The following LRRC63 variants were observed in gnomAD, a reference collection of about 807,000 sequenced individuals.
LRRC63 encodes the protein leucine-rich repeat-containing protein 63.
In LRRC63, 40 loss-of-function variants were observed where a neutral mutation model predicts 49.5. The ratio of observed to expected loss-of-function variants is 0.81; its 90% CI spans 0.63 to 1.05. The LOEUF (loss-of-function observed/expected upper bound fraction) is 1.05. LRRC63 is among the 50% of genes least tolerant of loss of function. LRRC63 has a pLI of 0.00. For synonymous variants in LRRC63, 191 were observed against 221.1 expected, an observed-to-expected ratio of 0.86 and a Z score of 1.21; for missense variants, 636 against 663.1, an observed-to-expected ratio of 0.96 and a Z score of 0.45.
In LRRC63 at chr13:46,227,637, CA is replaced by C; in HGVS notation, c.215del (p.Asn72IlefsTer12). On this transcript the variant is annotated frameshift_variant, in exon 3 of 10. Coordinates refer to ENST00000595396, the Ensembl canonical transcript of LRRC63. LOFTEE classifies it high-confidence loss of function. ...TCAATCACTAACACCTATCAATATC[CA>C]AAATATCTTTCTTGATCACTGTGTA... 2 of 1,550,080 alleles carry C rather than the reference CA, an allele frequency of 1.3e-6. No individual in the cohort carries two copies. Among genetic ancestry groups the C allele is most frequent in the Non-Finnish European group, 8.7e-7 (1 of 1,146,802 alleles).
At chr13:46,220,870 C>T (rs2046387688) in intron 2 of LRRC63, among the ~76,000 whole-genome samples, 3 of 152,086 alleles carry the variant, frequency 2.0e-5, no homozygotes, top group Admixed American at 2.0e-4. Context: ...TGGGAGCTCC[C>T]GGACCCCTTA....
At chr13:46,261,752 A>T (rs1000406688) in intron 7 of LRRC63, among the ~76,000 whole-genome samples, 157 bp from the exon 8 acceptor site, 3 of 152,216 alleles carry the variant, frequency 2.0e-5, no homozygotes, top group Non-Finnish European at 4.4e-5. Flanking sequence ...AGGAATTTTC[A>T]TAGTAATTAC....
chr13:46,251,254 T>C lies in LRRC63; in HGVS notation c.1226+763T>C, dbSNP rs541587703. ...GATGTTCATTCAGTATTGTTTGTAATTAATGATCTAAAAAATTGTACATTC... is the reference window on the plus strand; with the variant it reads ...GATGTTCATTCAGTATTGTTTGTAACTAATGATCTAAAAAATTGTACATTC... On this transcript the variant is annotated intron_variant, in intron 7 of 9. Transcript: ENST00000595396. Among the ~76,000 whole-genome samples, 91 of 152,020 alleles carry C rather than the reference T, an allele frequency of 6.0e-4. 1 individual carries two copies. In the Middle Eastern group the frequency reaches 0.024, roughly 40 times the overall value.
At chr13:46,212,974 A>T (rs2046136388) in intron 1 of LRRC63, 28 bp from the exon 2 acceptor site, 2 of 1,140,554 alleles carry the variant, frequency 1.8e-6, no homozygotes, top group African/African-American at 1.6e-5. Flanking sequence ...ACATATTCAA[A>T]ACCTTTTCAA....
intron 9 of LRRC63, chr13:46,270,753 A>G: frequency 4.0e-6 from 2 of 495,256 alleles, no homozygotes; most frequent in Non-Finnish European, 7.4e-6. Flanking sequence ...CTGGTGCTTC[A>G]CTTACCTTCG....
chr13:46,227,960 TCAACC>T lies in LRRC63; in HGVS notation c.535_539del (p.Gln179PhefsTer38). On this transcript the variant is annotated frameshift_variant, in exon 3 of 10. Transcript: ENST00000595396. LOFTEE classifies it high-confidence loss of function. The stretch of plus-strand genomic sequence containing the variant: ...AACTTGAGAAAATGCACCCTAAGCA[TCAACC>T]TTTACCAGAGAGTCCAGGCTATACT... 1 of 1,550,796 alleles carries T rather than the reference TCAACC, an allele frequency of 6.4e-7. No homozygotes were observed. The highest frequency in any genetic ancestry group is 8.7e-7 in the Non-Finnish European group (1 of 1,147,030).
At chr13:46,269,619 G>A (rs1332807960) in intron 9 of LRRC63, among the ~76,000 whole-genome samples, 1 of 151,798 alleles carries the variant, frequency 6.6e-6, no homozygotes, top group Non-Finnish European at 1.5e-5. Context: ...ATGACTTCAT[G>A]GTAGGCAGAC....
intron 6 of LRRC63, among the ~76,000 whole-genome samples, chr13:46,248,411 A>T (rs1291813187): frequency 6.6e-6 from 1 of 151,988 alleles, no homozygotes. Flanking sequence ...GATTAAAAGA[A>T]ACACACTTAA....
In LRRC63 at chr13:46,231,240, T is replaced by C. The variant is rs145867445; in HGVS notation, c.832+2507T>C. On this transcript the variant is annotated intron_variant, in intron 4 of 9. Transcript: ENST00000595396. ...ACATTTTCATGTATCTTTATAGCAA[T>C]GCCCTTCTCCTCAGTACCAATTTTA... 1.2e-4 allele frequency among the ~76,000 whole-genome samples: 19 copies of C among 152,286 alleles called. No individual in the cohort carries two copies. The East Asian group carries it at 3.7e-3, about 29-fold the overall frequency.
chr13:46,232,699 C>T (rs1446483557), intron 4 of LRRC63, among the ~76,000 whole-genome samples: 1 of 151,996 alleles, frequency 6.6e-6, no homozygotes, highest in Non-Finnish European at 1.5e-5. Flanking sequence ...AATAGTTCAT[C>T]CTCGAAGTCC....
intron 2 of LRRC63, among the ~76,000 whole-genome samples, chr13:46,222,582 G>A (rs953767830): frequency 4.6e-5 from 7 of 152,124 alleles, no homozygotes; most frequent in Non-Finnish European, 2.9e-5. Context: ...AGAGGATGTG[G>A]AGAAATAAGA....
At chr13:46,227,608 G>A (rs947698477) in exon 3 of LRRC63, 2 of 1,549,634 alleles carry the variant, frequency 1.3e-6, no homozygotes, top group African/African-American at 2.7e-5. Context: ...GATGTTTTAA[G>A]AAATCAATCA....
At chr13:46,233,381 C>T (rs1566483451) in intron 4 of LRRC63, among the ~76,000 whole-genome samples, 1 of 152,136 alleles carries the variant, frequency 6.6e-6, no homozygotes, top group Non-Finnish European at 1.5e-5. Flanking sequence ...ATCTCTTGAT[C>T]TGAAATGGGC....
chr13:46,230,453 G>A (rs972871756), intron 4 of LRRC63, among the ~76,000 whole-genome samples: 12 of 152,194 alleles, frequency 7.9e-5, no homozygotes, highest in African/African-American at 2.9e-4. Flanking sequence ...TAGTGACTCA[G>A]TTTGAATCCC....
intron 9 of LRRC63, among the ~76,000 whole-genome samples, chr13:46,274,841 C>T (rs943696265): frequency 2.6e-5 from 4 of 152,052 alleles, no homozygotes; most frequent in African/African-American, 9.7e-5. Flanking sequence ...TTTATCATTT[C>T]TTTGTGTTGT....
intron 9 of LRRC63, among the ~76,000 whole-genome samples, chr13:46,274,126 C>T (rs1356374281): frequency 6.6e-6 from 1 of 151,898 alleles, no homozygotes; most frequent in Non-Finnish European, 1.5e-5. Context: ...CACTCATGTC[C>T]ATAACAGGTA....
intron 3 of LRRC63, 21 bp from the exon 4 acceptor site, chr13:46,228,644 A>T: frequency 2.8e-6 from 4 of 1,441,428 alleles, no homozygotes; most frequent in Non-Finnish European, 3.8e-6. Context: ...AAGTCATCCC[A>T]TTTGTTTTTC....
At chr13:46,231,758 G>A (rs1376730344) in intron 4 of LRRC63, among the ~76,000 whole-genome samples, 2 of 150,950 alleles carry the variant, frequency 1.3e-5, no homozygotes, top group African/African-American at 2.4e-5. Context: ...GATCCTCCTC[G>A]GCCTCCCAAA....
intron 2 of LRRC63, among the ~76,000 whole-genome samples, chr13:46,218,673 G>A (rs1319589609): frequency 6.6e-6 from 1 of 152,078 alleles, no homozygotes; most frequent in East Asian, 1.9e-4. Context: ...TTGCCCTTTA[G>A]TTGATGCAGT....
Sources: allele counts gnomAD v4.1 joint callset (sites outside exome capture counted in the v4.1 genomes callset), GRCh38; gene constraint gnomAD v4.1.1; transcripts MANE v1.5; gene names NCBI Gene and HGNC (gene_info 2026-07-23, HGNC 2026-07-21).